RNASET2: variants seen among roughly 807,000 people sequenced by gnomAD.
The protein encoded by RNASET2 is ribonuclease 6.
Under a neutral mutation model 33.9 loss-of-function variants are expected in RNASET2, and 28 were observed. That is an observed-to-expected ratio of 0.83 (90% confidence interval 0.61 to 1.13). The LOEUF is 1.13. Ranked by LOEUF, RNASET2 falls within the 50% of genes most tolerant of loss-of-function variation. RNASET2 has a pLI of 0.00. For synonymous variants in RNASET2, 123 were observed against 121.0 expected (o/e 1.02, Z -0.11); for missense variants, 330 against 319.9 (o/e 1.03, Z -0.24).
intron 7 of RNASET2, 125 bp from the exon 8 acceptor site, chr6:166,931,243 G>T: frequency 1.3e-6 from 1 of 759,252 alleles, no homozygotes; most frequent in Non-Finnish European, 2.4e-6. Flanking sequence ...ACAGGACCCA[G>T]CACAGGTGTG....
chr6:166,947,322 T>G (rs1305863099), intron 3 of RNASET2, among the ~76,000 whole-genome samples: 1 of 152,180 alleles, frequency 6.6e-6, no homozygotes, highest in African/African-American at 2.4e-5. Flanking sequence ...CTCACACATC[T>G]AATTCTGGAC....
chr6:166,947,884 G>A (rs573410409), intron 3 of RNASET2, among the ~76,000 whole-genome samples: 6 of 152,244 alleles, frequency 3.9e-5, no homozygotes, highest in South Asian at 4.1e-4. Flanking sequence ...TGAACAAAAC[G>A]CAGACAAAAC....
intron 4 of RNASET2, 44 bp downstream of exon 4, chr6:166,946,638 C>G (rs370580293): frequency 9.5e-6 from 10 of 1,056,224 alleles, no homozygotes; most frequent in Non-Finnish European, 1.4e-5. Context: ...AAGAGTTAAT[C>G]TAGGTCAACA....
chr6:166,945,970 G>C (rs1778831993), intron 4 of RNASET2, among the ~76,000 whole-genome samples: 1 of 152,056 alleles, frequency 6.6e-6, no homozygotes, highest in East Asian at 1.9e-4. Context: ...TTTTAAAGAA[G>C]GCCTCAGTTA....
Position 166,956,382 on chromosome 6 carries a change from C to G in RNASET2, c.-200G>C, listed in dbSNP as rs1779167474. On this transcript the variant is annotated 5_prime_UTR_variant, in exon 1 of 9. Coordinates refer to ENST00000508775, the MANE Select transcript of RNASET2 (RefSeq NM_003730.6). ...AGTATCTCGCGGGCCCCGCGCCGGG[C>G]TCCGGGAATGGCCGCAGCAGCCCTG... is the stretch of plus-strand genomic sequence containing the variant. 1 of 599,306 alleles carries G rather than the reference C, an allele frequency of 1.7e-6. No individual in the cohort carries two copies. Among genetic ancestry groups the G allele is most frequent in the Non-Finnish European group, 3.0e-6 (1 of 337,274 alleles). The allele number at this position is 599,306 out of a possible 1,614,324, so 37.1% of individuals were successfully genotyped here. A position where few individuals can be genotyped will look rare whatever the true frequency, so the allele number is the denominator to read the frequency against.
intron 6 of RNASET2, among the ~76,000 whole-genome samples, chr6:166,935,265 AG>A (rs1200065059): frequency 6.6e-6 from 1 of 152,122 alleles, no homozygotes; most frequent in Non-Finnish European, 1.5e-5. Flanking sequence ...ATTTATCCTA[AG>A]TTTCGATGAT....
At chr6:166,938,708 A>G (rs762293938) in intron 6 of RNASET2, 187 bp downstream of exon 6, 30 of 769,834 alleles carry the variant, frequency 3.9e-5, no homozygotes, top group Non-Finnish European at 6.8e-5. Flanking sequence ...GTGATGTAGA[A>G]TGATCTGGAA....
In RNASET2 at chr6:166,928,685, C is replaced by T. The variant is rs1778345025; in HGVS notation, c.*903G>A. 6.6e-6 allele frequency among the ~76,000 whole-genome samples: 1 copy of T among 152,204 alleles called. No individual in the cohort carries two copies. Among genetic ancestry groups the T allele is most frequent in the Non-Finnish European group, 1.5e-5 (1 of 68,040 alleles). On this transcript the variant is annotated 3_prime_UTR_variant, in exon 9 of 9. Transcript: ENST00000508775. ...TGTCTTAACAACACATGGAAAGCTC[C>T]TCACTGCACAGCCCCCAGATGCCTC... is the stretch of plus-strand genomic sequence containing the variant.
In RNASET2 at chr6:166,928,772, G is replaced by C. The variant is rs559339283; in HGVS notation, c.*816C>G. Among the ~76,000 whole-genome samples, 20 of 152,208 alleles carry C rather than the reference G, an allele frequency of 1.3e-4. No individual in the cohort carries two copies. The highest frequency in any genetic ancestry group is 2.6e-4 in the Non-Finnish European group (18 of 68,030). ...GCGTGGGTGCAGCAGTCTGCCTGAC[G>C]TGAGAGCCATGTCATCACATATCTA... On this transcript the variant is annotated 3_prime_UTR_variant, in exon 9 of 9. Coordinates refer to ENST00000508775, the MANE Select transcript of RNASET2 (RefSeq NM_003730.6).
rs896814145 is a variant in RNASET2 at position 166,922,855 on chromosome 6, G to T, written c.*6733C>A. Among the ~76,000 whole-genome samples, 7 of 152,164 alleles carry T rather than the reference G, an allele frequency of 4.6e-5. No homozygotes were observed. The highest frequency in any genetic ancestry group is 1.7e-4 in the African/African-American group (7 of 41,422). On this transcript the variant is annotated 3_prime_UTR_variant, in exon 9 of 9. Coordinates refer to ENST00000508775, the MANE Select transcript of RNASET2 (RefSeq NM_003730.6). ...AAGACAGAAGAGCAGATGGTGACAG[G>T]TACCAACCACCAAAGCTGTACACGC...
Position 166,934,397 on chromosome 6 carries a change from G to T in RNASET2, c.447-261C>A, listed in dbSNP as rs1385896623. On this transcript the variant is annotated intron_variant, in intron 6 of 8. Coordinates refer to ENST00000508775, the MANE Select transcript of RNASET2 (RefSeq NM_003730.6). The stretch of plus-strand genomic sequence containing the variant: ...CCTGACTCCTTCGGAGCATGGGAGC[G>T]CTGGGGCCACCACCGAGTGGAGCTG... The T allele has an allele frequency of 6.3e-6, 3 of 477,212 alleles. No homozygotes were observed. In the Admixed American group the frequency reaches 1.0e-4, roughly 16 times the overall value. The allele number at this position is 477,212 out of a possible 1,614,324, so 29.6% of individuals were successfully genotyped here.
chr6:166,946,629 A>G, intron 4 of RNASET2, 53 bp downstream of exon 4: 1 of 974,628 alleles, frequency 1.0e-6, no homozygotes, highest in Non-Finnish European at 1.6e-6. Flanking sequence ...TGTGAAGAAA[A>G]GAGTTAATCT....
intron 5 of RNASET2, among the ~76,000 whole-genome samples, chr6:166,942,404 T>G (rs1778713663): frequency 6.6e-6 from 1 of 152,218 alleles, no homozygotes; most frequent in South Asian, 2.1e-4. Flanking sequence ...TTAAGAAATA[T>G]TCTCTCCTGT....
At chr6:166,943,786 G>A (rs1361621774) in intron 4 of RNASET2, 6 of 469,794 alleles carry the variant, frequency 1.3e-5, no homozygotes, top group Admixed American at 7.1e-5. Flanking sequence ...GGAGTGAACT[G>A]TCTGTAATCT....
rs58694992 is a variant in RNASET2, at chr6:166,929,345, G to GAAA, written c.*240_*242dup. 1.2e-3 allele frequency among the ~76,000 whole-genome samples: 173 copies of GAAA among 146,336 alleles called. No homozygotes were observed. Among genetic ancestry groups the GAAA allele is most frequent in the African/African-American group, 4.1e-3 (166 of 40,410 alleles). On this transcript the variant is annotated 3_prime_UTR_variant, in exon 9 of 9. Coordinates refer to ENST00000508775, the MANE Select transcript of RNASET2 (RefSeq NM_003730.6). ...CCAGGGCACTGAAGAGTTTAATAGA[G>GAAA]AAAAAAAAAAACAATCTGTGAGCTT... is the stretch of plus-strand genomic sequence containing the variant.
At chr6:166,939,150 A>G (rs1426395155) in intron 5 of RNASET2, 142 bp from the exon 6 acceptor site, 1 of 706,646 alleles carries the variant, frequency 1.4e-6, no homozygotes, top group Non-Finnish European at 2.6e-6. Context: ...CCTGACCAAC[A>G]TGGTGAAACT....
rs1208017309 is a variant in RNASET2 at position 166,927,174 on chromosome 6, T to A, written c.*2414A>T. 2.0e-5 allele frequency among the ~76,000 whole-genome samples: 3 copies of A among 152,212 alleles called. No homozygotes were observed. The highest frequency in any genetic ancestry group is 2.9e-5 in the Non-Finnish European group (2 of 68,030). On this transcript the variant is annotated 3_prime_UTR_variant, in exon 9 of 9. Transcript: ENST00000508775. ...AATGATGTAAAAACATGTGCTTGGA[T>A]CTGATCTCCATCACTGAACCTTAAA...
rs568472419 is a variant in RNASET2 at position 166,929,136 on chromosome 6, C to A, written c.*452G>T. Reference sequence around the variant, plus strand: ...TCTGGTCACATGGAACAGACCCAGTCTGAGCTAGAGACACCCCCCAGGCCC... The same window carrying A: ...TCTGGTCACATGGAACAGACCCAGTATGAGCTAGAGACACCCCCCAGGCCC... On this transcript the variant is annotated 3_prime_UTR_variant, in exon 9 of 9. Transcript: ENST00000508775. Among the ~76,000 whole-genome samples, 1 of 152,234 alleles carries A rather than the reference C, an allele frequency of 6.6e-6. No homozygotes were observed. Among genetic ancestry groups the A allele is most frequent in the Non-Finnish European group, 1.5e-5 (1 of 68,032 alleles).
intron 6 of RNASET2, among the ~76,000 whole-genome samples, chr6:166,936,394 C>T (rs1778569962): frequency 1.3e-5 from 2 of 151,930 alleles, no homozygotes; most frequent in Non-Finnish European, 1.5e-5. Context: ...TCTAGTGTCG[C>T]TATACAGGAA....
Sources: allele counts gnomAD v4.1 joint callset (sites outside exome capture counted in the v4.1 genomes callset), GRCh38; gene constraint gnomAD v4.1.1; transcripts MANE v1.5; gene names NCBI Gene and HGNC (gene_info 2026-07-23, HGNC 2026-07-21).